Variants in GNPAT observed in about 807,000 individuals in gnomAD.
GNPAT encodes the protein dihydroxyacetone phosphate acyltransferase.
GNPAT carries 30 observed loss-of-function variants against 78.4 expected under a neutral mutation model. That is an observed-to-expected ratio of 0.38 (90% CI 0.29 to 0.52). The LOEUF is 0.52. GNPAT is among the 20% of genes least tolerant of loss of function. GNPAT has a pLI of 0.84. For missense variants in GNPAT, 714 were observed against 812.2 expected (o/e 0.88, Z 1.47); for synonymous variants, 271 against 281.1 (o/e 0.96, Z 0.36).
intron 10 of GNPAT, among the ~76,000 whole-genome samples, chr1:231,271,767 G>T (rs949182809): frequency 1.3e-5 from 2 of 152,170 alleles, no homozygotes; most frequent in African/African-American, 4.8e-5. Flanking sequence ...GTGATGTCTC[G>T]CTGAGTAGAA....
In GNPAT at chr1:231,243,097, C is replaced by G. The variant is rs139371817; in HGVS notation, c.78+1641C>G. 2.0e-3 allele frequency among the ~76,000 whole-genome samples: 307 copies of G among 152,358 alleles called. 2 individuals carry two copies. The highest frequency in any genetic ancestry group is 4.2e-3 in the Admixed American group (64 of 15,300). ...TATATACAGTATCCTACTCATTATT[C>G]TCAGTTTCCAAGATATAGAAGTTAC... On this transcript the variant is annotated intron_variant, in intron 1 of 15. Transcript: ENST00000366647.
intron 2 of GNPAT, among the ~76,000 whole-genome samples, chr1:231,259,635 G>A (rs1685165339): frequency 8.2e-6 from 1 of 121,258 alleles, no homozygotes; most frequent in Non-Finnish European, 1.6e-5. Context: ...CAACAAGAGC[G>A]AAACTCCGTC....
chr1:231,263,233 T>C (rs967888095), intron 4 of GNPAT, among the ~76,000 whole-genome samples: 1 of 152,246 alleles, frequency 6.6e-6, no homozygotes, highest in Admixed American at 6.5e-5. Context: ...ATTTGCCATC[T>C]AAGTCATCTT....
chr1:231,252,979 G>GT (rs948549908), intron 2 of GNPAT, among the ~76,000 whole-genome samples: 15 of 151,796 alleles, frequency 9.9e-5, no homozygotes, highest in African/African-American at 3.6e-4. Flanking sequence ...ATTTTGTTTT[G>GT]TTTTTTTGAG....
intron 11 of GNPAT, among the ~76,000 whole-genome samples, chr1:231,272,830 G>A (rs1361673311): frequency 3.3e-5 from 5 of 152,138 alleles, no homozygotes; most frequent in African/African-American, 1.2e-4. Flanking sequence ...TTAGCTGGGC[G>A]TGGTGGCGCA....
chr1:231,256,857 G>A (rs1432165721), intron 2 of GNPAT, among the ~76,000 whole-genome samples: 1 of 152,136 alleles, frequency 6.6e-6, no homozygotes, highest in Non-Finnish European at 1.5e-5. Flanking sequence ...AACTCAGTCT[G>A]CCTTTATCTC....
chr1:231,260,182 T>C (rs1449609865), intron 2 of GNPAT, among the ~76,000 whole-genome samples: 1 of 152,180 alleles, frequency 6.6e-6, no homozygotes, highest in East Asian at 1.9e-4. Flanking sequence ...CACTATTTGC[T>C]AGGACACTAG....
intron 1 of GNPAT, among the ~76,000 whole-genome samples, chr1:231,247,065 A>G (rs1222891891): frequency 1.3e-5 from 2 of 151,758 alleles, no homozygotes; most frequent in African/African-American, 4.8e-5. Context: ...GCCGCTCGGC[A>G]GGCTGAGGCA....
chr1:231,270,900 T>G lies in GNPAT; in HGVS notation c.1422T>G (p.Thr474=), dbSNP rs1386382714. 2 of 1,613,812 alleles carry G rather than the reference T, an allele frequency of 1.2e-6. No individual in the cohort carries two copies. The highest frequency in any genetic ancestry group is 1.7e-6 in the Non-Finnish European group (2 of 1,179,784). The part of the protein sequence containing the change: ...VVDGLMLQHI[T]LLMCSAYRNQ... ...ATGGGCTTATGCTCCAGCACATCAC[T>G]CTCCTCATGTGCTCAGCTTATAGGA... Residue 474 remains threonine, a synonymous_variant, in exon 10 of 16, where the codon ACT becomes ACG. Coordinates refer to ENST00000366647, the MANE Select transcript of GNPAT (RefSeq NM_014236.4).
chr1:231,270,553 TAGAG>T (rs903621639), intron 9 of GNPAT, among the ~76,000 whole-genome samples: 15 of 152,124 alleles, frequency 9.9e-5, no homozygotes, highest in Non-Finnish European at 1.5e-4. Flanking sequence ...TACATGTCCT[TAGAG>T]AGAGAGAAAG....
Position 231,267,848 on chromosome 1 carries a change from G to T in GNPAT, c.1224G>T (p.Lys408Asn), listed in dbSNP as rs781379669. Residue 408 changes from lysine (K) to asparagine (N), a missense_variant, in exon 9 of 16, where the codon AAG becomes AAT. Coordinates refer to ENST00000366647, the MANE Select transcript of GNPAT (RefSeq NM_014236.4). Reference sequence around the variant, plus strand: ...TGGACTTTGATGCTCTGGTGGAAAAGACTTTATGGCTAAAAGGCTTAACCC... The same window carrying T: ...TGGACTTTGATGCTCTGGTGGAAAATACTTTATGGCTAAAAGGCTTAACCC... ...PSMDFDALVE[K>N]TLWLKGLTQA... 2.9e-5 allele frequency: 47 copies of T among 1,613,908 alleles called. No individual in the cohort carries two copies. The South Asian group carries it at 4.7e-4, about 16-fold the overall frequency.
In GNPAT at chr1:231,266,306, T is replaced by C. The variant is rs755375911; in HGVS notation, c.954T>C (p.Ser318=). 1.2e-6 allele frequency: 2 copies of C among 1,614,164 alleles called. No individual in the cohort carries two copies. The highest frequency in any genetic ancestry group is 1.7e-6 in the Non-Finnish European group (2 of 1,179,998). ...TGLLKARKIL[S]ENFGSIHVYF... ...TGCTGAAAGCCAGAAAGATTCTCTC[T>C]GAAAATTTTGGAAGCATCCATGTGT... Residue 318 remains serine, a synonymous_variant, in exon 8 of 16, where the codon TCT becomes TCC. Transcript: ENST00000366647.
At chr1:231,255,279 T>C (rs1685017780) in intron 2 of GNPAT, among the ~76,000 whole-genome samples, 1 of 152,082 alleles carries the variant, frequency 6.6e-6, no homozygotes, top group Non-Finnish European at 1.5e-5. Flanking sequence ...TTCAACTACT[T>C]CTTTATTAGC....
intron 3 of GNPAT, 21 bp downstream of exon 3, chr1:231,260,704 A>G (rs1571944993): frequency 4.2e-6 from 6 of 1,428,974 alleles, no homozygotes; most frequent in Non-Finnish European, 5.9e-6. Flanking sequence ...ATTATTAAAA[A>G]AATAAAGAAA....
chr1:231,243,696 C>A (rs1684675189), intron 1 of GNPAT, among the ~76,000 whole-genome samples: 1 of 152,082 alleles, frequency 6.6e-6, no homozygotes, highest in African/African-American at 2.4e-5. Flanking sequence ...AAAAACTACT[C>A]CCTTGCATAT....
At chr1:231,252,037 A>G (rs1245009171) in intron 2 of GNPAT, among the ~76,000 whole-genome samples, 1 of 152,188 alleles carries the variant, frequency 6.6e-6, no homozygotes, top group Non-Finnish European at 1.5e-5. Context: ...ACCATGTTGG[A>G]TTGTATTTTA....
chr1:231,266,160 A>G lies in GNPAT; in HGVS notation c.919A>G (p.Thr307Ala). 1 of 1,613,364 alleles carries G rather than the reference A, an allele frequency of 6.2e-7. No homozygotes were observed. Among genetic ancestry groups the G allele is most frequent in the Non-Finnish European group, 8.5e-7 (1 of 1,179,460 alleles). The change falls in exon 7 of 16, where the codon ACA (threonine) becomes GCA (alanine). Residue 307 changes from threonine to alanine, a missense_variant. Transcript: ENST00000366647. ...LLGVPKPKESTTGLLKARKIL... is the reference protein window; with the variant it reads ...LLGVPKPKESATGLLKARKIL... ...AGGGGTTCCTAAACCAAAAGAGTCT[A>G]CAACTGTACGTGAGCTTGATTTTAG...
At chr1:231,245,170 C>T (rs1368402762) in intron 1 of GNPAT, among the ~76,000 whole-genome samples, 1 of 152,214 alleles carries the variant, frequency 6.6e-6, no homozygotes, top group Non-Finnish European at 1.5e-5. Flanking sequence ...TCTAAAACAG[C>T]TATCCAATCA....
At chr1:231,248,662 AACAC>A (rs1684814037) in intron 1 of GNPAT, among the ~76,000 whole-genome samples, 1 of 152,308 alleles carries the variant, frequency 6.6e-6, no homozygotes, top group African/African-American at 2.4e-5. Flanking sequence ...TATACGTATA[AACAC>A]ACACACAAAC....
Sources: gnomAD v4.1 joint callset for allele counts (sites outside exome capture counted in the v4.1 genomes callset) on GRCh38, gnomAD v4.1.1 for gene constraint, MANE v1.5 for transcripts, NCBI Gene and HGNC (gene_info 2026-07-23, HGNC 2026-07-21) for gene names.